Variants in IL20RB observed in about 807,000 individuals in gnomAD.
IL20RB encodes the protein interleukin-20 receptor subunit beta.
Under a neutral mutation model 33.3 loss-of-function variants are expected in IL20RB, and 21 were observed. The ratio of observed to expected loss-of-function variants is 0.63; its 90% CI spans 0.45 to 0.91. The LOEUF (loss-of-function observed/expected upper bound fraction) is 0.91, where lower values mean the gene tolerates loss of function less well. Ranked by LOEUF, IL20RB falls within the 40% of genes least tolerant of loss-of-function variation. The pLI is 0.00. For synonymous variants in IL20RB, 147 were observed against 146.8 expected (o/e 1.00, Z -0.01); for missense variants, 345 against 384.8 (o/e 0.90, Z 0.86).
At chr3:136,977,849 T>C (rs945857747) in intron 1 of IL20RB, among the ~76,000 whole-genome samples, 4 of 152,116 alleles carry the variant, frequency 2.6e-5, no homozygotes, top group Non-Finnish European at 1.5e-5. Context: ...TTTTTTAAGA[T>C]TCTGTGGGAC....
At chr3:137,005,635 C>T (rs537907360) in intron 6 of IL20RB, among the ~76,000 whole-genome samples, 183 of 152,216 alleles carry the variant, frequency 1.2e-3, no homozygotes, top group Non-Finnish European at 1.7e-3. Context: ...CTTCCTCCAT[C>T]CCTTTATTTT....
chr3:136,967,285 T>C (rs1334778586), intron 1 of IL20RB, among the ~76,000 whole-genome samples: 1 of 148,558 alleles, frequency 6.7e-6, no homozygotes, highest in East Asian at 2.0e-4. Context: ...TGTCTAATGT[T>C]GACAGTGGGG....
At chr3:136,962,021 G>A (rs1374360536) in intron 1 of IL20RB, among the ~76,000 whole-genome samples, 1 of 152,100 alleles carries the variant, frequency 6.6e-6, no homozygotes, top group Non-Finnish European at 1.5e-5. Flanking sequence ...AAATATCCAT[G>A]AGTCCATACC....
chr3:136,987,028 C>T (rs897089744), intron 3 of IL20RB, among the ~76,000 whole-genome samples: 1 of 152,136 alleles, frequency 6.6e-6, no homozygotes, highest in Admixed American at 6.5e-5. Flanking sequence ...GTGAGTGTTA[C>T]AGCTCATAAA....
chr3:136,995,324 A>C (rs1397706231), intron 5 of IL20RB, 90 bp from the exon 6 acceptor site: 2 of 1,462,068 alleles, frequency 1.4e-6, no homozygotes, highest in Non-Finnish European at 1.9e-6. Flanking sequence ...CAATGTGCAG[A>C]GTCAACTCCA....
chr3:136,989,601 G>A (rs375251640), intron 4 of IL20RB, 36 bp downstream of exon 4: 17 of 1,610,344 alleles, frequency 1.1e-5, no homozygotes, highest in Admixed American at 1.7e-5. Context: ...GTCAGGCTTC[G>A]GGAAAGAAGG....
chr3:136,977,959 T>C (rs1941667568), intron 1 of IL20RB, among the ~76,000 whole-genome samples: 1 of 152,180 alleles, frequency 6.6e-6, no homozygotes. Context: ...TTGCTTGCCT[T>C]ATTACAGTGG....
intron 3 of IL20RB, among the ~76,000 whole-genome samples, chr3:136,986,086 G>A (rs1361291198): frequency 3.3e-5 from 5 of 152,036 alleles, no homozygotes; most frequent in East Asian, 1.9e-4. Flanking sequence ...AAACCCCGTC[G>A]CCTGTAGTCC....
At chr3:136,970,518 G>C (rs867231079) in intron 1 of IL20RB, among the ~76,000 whole-genome samples, 2 of 152,150 alleles carry the variant, frequency 1.3e-5, no homozygotes, top group Middle Eastern at 3.2e-3. Context: ...CTATTCCTTT[G>C]CCAATACAAT....
At chr3:136,979,645 C>T (rs1015359468) in intron 1 of IL20RB, among the ~76,000 whole-genome samples, 1 of 118,858 alleles carries the variant, frequency 8.4e-6, no homozygotes, top group African/African-American at 3.2e-5. Context: ...ATACTCTGGG[C>T]ACACTGTGTC....
At chr3:136,991,409 G>A (rs919943107) in intron 4 of IL20RB, among the ~76,000 whole-genome samples, 3 of 152,170 alleles carry the variant, frequency 2.0e-5, no homozygotes, top group African/African-American at 7.2e-5. Context: ...TTTGTTCAAT[G>A]CTAGGTCCCT....
chr3:136,958,184 T>C lies in IL20RB; in HGVS notation c.71T>C (p.Ile24Thr), dbSNP rs1316607078. The change falls in exon 1 of 7, where the codon ATT becomes ACT. Residue 24 changes from isoleucine to threonine, a missense_variant. Transcript: ENST00000329582. ...SLFMWFFYAL[I>T]PCLLTDEVAI... ...TTCATGTGGTTTTTCTACGCATTGA[T>C]TCCATGTTTGCTCACAGGTAAGTAT... 1 of 1,607,478 alleles carries C rather than the reference T, an allele frequency of 6.2e-7. No homozygotes were observed. The highest frequency in any genetic ancestry group is 8.5e-7 in the Non-Finnish European group (1 of 1,174,076).
chr3:136,959,941 C>T (rs1392029419), intron 1 of IL20RB, among the ~76,000 whole-genome samples: 2 of 152,080 alleles, frequency 1.3e-5, no homozygotes, highest in African/African-American at 2.4e-5. Flanking sequence ...AACATTTCCC[C>T]ACCCTCAAAT....
chr3:136,958,864 T>G (rs1284502295), intron 1 of IL20RB, among the ~76,000 whole-genome samples: 2 of 152,102 alleles, frequency 1.3e-5, no homozygotes, highest in Non-Finnish European at 2.9e-5. Flanking sequence ...ATTTTGATAC[T>G]CCAAGACACT....
At chr3:136,962,750 C>G (rs1290443861) in intron 1 of IL20RB, among the ~76,000 whole-genome samples, 1 of 82,054 alleles carries the variant, frequency 1.2e-5, no homozygotes, top group South Asian at 4.3e-4. Flanking sequence ...GACTCCATCT[C>G]AAAAAAAAAA....
In IL20RB at chr3:136,991,975, T is replaced by G; in HGVS notation, c.569T>G (p.Val190Gly). The G allele has an allele frequency of 1.2e-6, 2 of 1,614,186 alleles. No homozygotes were observed. The highest frequency in any genetic ancestry group is 1.7e-6 in the Non-Finnish European group (2 of 1,180,018). The change falls in exon 5 of 7, where the codon GTG becomes GGG. Residue 190 changes from valine (V) to glycine (G), a missense_variant. Physicochemically the swap from Val to Gly is moderately radical, Grantham distance 109. Transcript: ENST00000329582. ...VKMVRSGGIP[V>G]HLETMEPGAA... ...ATGGTGAGGAGTGGGGGTATTCCAGTGCACCTAGAAACCATGGAGCCAGGG... is the reference window on the plus strand; with the variant it reads ...ATGGTGAGGAGTGGGGGTATTCCAGGGCACCTAGAAACCATGGAGCCAGGG...
intron 1 of IL20RB, among the ~76,000 whole-genome samples, chr3:136,961,324 A>C (rs1577005082): frequency 6.6e-6 from 1 of 152,142 alleles, no homozygotes; most frequent in African/African-American, 2.4e-5. Context: ...CAAAATTTTA[A>C]CTATTCTTTA....
intron 6 of IL20RB, among the ~76,000 whole-genome samples, chr3:137,000,222 A>G (rs1335583459): frequency 2.0e-5 from 3 of 152,220 alleles, no homozygotes; most frequent in Non-Finnish European, 4.4e-5. Flanking sequence ...GGCAGTTGAT[A>G]TCTATTAGAC....
intron 1 of IL20RB, among the ~76,000 whole-genome samples, chr3:136,977,564 T>C (rs1941650884): frequency 6.6e-6 from 1 of 152,086 alleles, no homozygotes; most frequent in Admixed American, 6.6e-5. Flanking sequence ...CTTGCTCTGT[T>C]GCCCAGGCTG....
Sources: gnomAD v4.1 joint callset for allele counts (sites outside exome capture counted in the v4.1 genomes callset) on GRCh38, gnomAD v4.1.1 for gene constraint, MANE v1.5 for transcripts, NCBI Gene and HGNC (gene_info 2026-07-23, HGNC 2026-07-21) for gene names.